Variants in USP39 observed in about 807,000 individuals in gnomAD.
USP39 encodes ubiquitin specific peptidase 39, also known as ubiquitin carboxyl-terminal hydrolase 39.
In USP39, 38 loss-of-function variants were observed where a neutral mutation model predicts 66.4. That is an observed-to-expected ratio of 0.57 (90% CI 0.44 to 0.75). The LOEUF (loss-of-function observed/expected upper bound fraction) is 0.75. Ranked by LOEUF, USP39 falls within the 30% of genes least tolerant of loss-of-function variation. USP39 has a pLI of 0.00. For synonymous variants in USP39, 303 were observed against 274.6 expected (o/e 1.10, Z -1.02); for missense variants, 608 against 714.4 (o/e 0.85, Z 1.70).
intron 12 of USP39, 67 bp from the exon 13 acceptor site, chr2:85,648,694 G>C: frequency 1.3e-6 from 2 of 1,558,890 alleles, no homozygotes; most frequent in East Asian, 2.2e-5. Context: ...GCACAGAATA[G>C]GTATTTGATA....
intron 11 of USP39, among the ~76,000 whole-genome samples, chr2:85,647,270 C>A (rs910096633): frequency 1.3e-5 from 2 of 152,134 alleles, no homozygotes; most frequent in Admixed American, 6.5e-5. Flanking sequence ...CATTTCTGAG[C>A]AGGAAGGAGA....
chr2:85,643,477 G>A (rs1676406300), intron 10 of USP39, among the ~76,000 whole-genome samples: 1 of 151,442 alleles, frequency 6.6e-6, no homozygotes, highest in Non-Finnish European at 1.5e-5. Context: ...CTGGGCGACA[G>A]AGCGAGACTC....
intron 6 of USP39, among the ~76,000 whole-genome samples, chr2:85,635,364 G>A (rs376347394): frequency 2.0e-5 from 3 of 152,102 alleles, no homozygotes; most frequent in East Asian, 1.9e-4. Flanking sequence ...GTTCGAGACC[G>A]GCCTGGCCAA....
chr2:85,638,138 C>T (rs1675929127), intron 8 of USP39, among the ~76,000 whole-genome samples: 3 of 152,258 alleles, frequency 2.0e-5, no homozygotes, highest in South Asian at 4.1e-4. Context: ...TCTCCTGCCT[C>T]AGCCTCCGAA....
At chr2:85,614,629 G>A (rs956852571), upstream of USP39, among the ~76,000 whole-genome samples, 3 of 152,146 alleles carry the variant, frequency 2.0e-5, no homozygotes, top group Non-Finnish European at 4.4e-5. Context: ...TTTATATATA[G>A]GATAAAAAGA....
In USP39 at chr2:85,616,214, C is replaced by A. The variant is rs978887963; in HGVS notation, c.19C>A (p.Arg7=). The A allele has an allele frequency of 1.4e-6, 2 of 1,463,940 alleles. No homozygotes were observed. The highest frequency in any genetic ancestry group is 1.8e-6 in the Non-Finnish European group (2 of 1,100,930). 90.7% of individuals were successfully genotyped at this position (1,463,940 alleles called of 1,614,324 possible). The change falls in exon 1 of 13, where the codon CGG becomes AGG. Residue 7 remains arginine (R), a synonymous_variant. Coordinates refer to ENST00000323701, the MANE Select transcript of USP39 (RefSeq NM_006590.4). MSGRSK[R]ESRGSTRGKR... Reference sequence around the variant, plus strand: ...AGTGGAGATGTCCGGCCGGTCTAAGCGGGAGTCTCGCGGTTCCACTCGCGG... The same window carrying A: ...AGTGGAGATGTCCGGCCGGTCTAAGAGGGAGTCTCGCGGTTCCACTCGCGG...
chr2:85,610,982 A>G (rs183175913), upstream of USP39: 5,803 of 153,084 alleles, frequency 0.038, 169 homozygotes, highest in Middle Eastern at 0.068. Context: ...GATGGTCTCG[A>G]TCTCCTGACC....
At chr2:85,631,155 T>C (rs889566843) in intron 6 of USP39, among the ~76,000 whole-genome samples, 2 of 151,732 alleles carry the variant, frequency 1.3e-5, no homozygotes, top group Non-Finnish European at 2.9e-5. Flanking sequence ...GCTGGGACTA[T>C]AGGCACGCAC....
At chr2:85,645,208 A>G (rs766146859) in intron 11 of USP39, 125 bp downstream of exon 11, 94 of 1,302,426 alleles carry the variant, frequency 7.2e-5, no homozygotes, top group Non-Finnish European at 9.9e-5. Context: ...TGCAAGTAAT[A>G]GTGCTGTCAG....
chr2:85,613,034 A>G (rs1260181095), upstream of USP39, among the ~76,000 whole-genome samples: 1 of 151,158 alleles, frequency 6.6e-6, no homozygotes, highest in Non-Finnish European at 1.5e-5. Context: ...AAGTCCTTTT[A>G]CAAAAGTCAA....
upstream of USP39, chr2:85,608,923 G>A (rs752611997): frequency 1.6e-5 from 26 of 1,613,578 alleles, no homozygotes; most frequent in African/African-American, 5.3e-5. Flanking sequence ...AATCCAGCCT[G>A]GAGAGAACGC....
chr2:85,643,491 C>G (rs1287084536), intron 10 of USP39, among the ~76,000 whole-genome samples: 1 of 149,258 alleles, frequency 6.7e-6, no homozygotes, highest in Non-Finnish European at 1.5e-5. Flanking sequence ...GAGACTCTGT[C>G]TCAAAAAAAA....
intron 2 of USP39, among the ~76,000 whole-genome samples, chr2:85,619,684 A>G (rs1475570087): frequency 1.3e-5 from 2 of 151,792 alleles, no homozygotes; most frequent in South Asian, 2.1e-4. Flanking sequence ...CCCAGGTGGC[A>G]TGTAGAATGT....
chr2:85,624,128 C>G (rs1674668733), intron 4 of USP39, among the ~76,000 whole-genome samples: 1 of 152,048 alleles, frequency 6.6e-6, no homozygotes, highest in Non-Finnish European at 1.5e-5. Flanking sequence ...ATTTACCAAG[C>G]TGCACACCGG....
chr2:85,645,535 G>A (rs1676580377), intron 11 of USP39, among the ~76,000 whole-genome samples: 1 of 152,060 alleles, frequency 6.6e-6, no homozygotes, highest in Non-Finnish European at 1.5e-5. Context: ...ACCCACCTCG[G>A]CCTCCCAAAG....
intron 2 of USP39, among the ~76,000 whole-genome samples, chr2:85,619,783 C>T (rs1674310304): frequency 6.6e-6 from 1 of 151,842 alleles, no homozygotes; most frequent in South Asian, 2.1e-4. Flanking sequence ...TTTACTCAGC[C>T]CTTTGGCAGG....
intron 5 of USP39, among the ~76,000 whole-genome samples, chr2:85,628,651 G>T (rs1573415729): frequency 6.6e-6 from 1 of 152,280 alleles, no homozygotes; most frequent in East Asian, 1.9e-4. Context: ...CTTCTCTGAG[G>T]ATGACCAATA....
At position 85,627,466 on chromosome 2, in the gene USP39, A is replaced by G. The variant is rs112395314; in HGVS notation, c.723+1775A>G. 1.0e-2 allele frequency among the ~76,000 whole-genome samples: 1,517 copies of G among 152,214 alleles called. 27 individuals carry two copies. The highest frequency in any genetic ancestry group is 0.035 in the African/African-American group (1,442 of 41,554). ...TCACCAAGAAAATGATTAAAAAATC[A>G]TAAACACAGGCTTATTGGGGAAAAC... On this transcript the variant is annotated intron_variant, in intron 5 of 12. Transcript: ENST00000323701.
At chr2:85,609,126 C>T (rs1487985352), upstream of USP39, 5 of 1,596,792 alleles carry the variant, frequency 3.1e-6, no homozygotes, top group African/African-American at 6.7e-5. Flanking sequence ...AGGTGACCTG[C>T]CCTGTCCCTA....
Sources: allele counts gnomAD v4.1 joint callset (sites outside exome capture counted in the v4.1 genomes callset), GRCh38; gene constraint gnomAD v4.1.1; transcripts MANE v1.5; gene names NCBI Gene and HGNC (gene_info 2026-07-23, HGNC 2026-07-21).